GRIK1: variants seen among roughly 807,000 people sequenced by gnomAD.
GRIK1 encodes the protein glutamate ionotropic receptor kainate type subunit 1.
GRIK1 carries 69 observed loss-of-function variants against 105.7 expected under a neutral mutation model. That is an observed-to-expected ratio of 0.65 (90% confidence interval 0.54 to 0.80). The LOEUF (loss-of-function observed/expected upper bound fraction) is 0.80, where lower values mean the gene tolerates loss of function less well. Ranked by LOEUF, GRIK1 falls within the 30% of genes least tolerant of loss-of-function variation. The pLI, the probability that GRIK1 is intolerant of heterozygous loss-of-function variation, is 0.00. For missense variants in GRIK1, 1,109 were observed against 1,167.3 expected (o/e 0.95, Z 0.73); for synonymous variants, 438 against 431.3 (o/e 1.02, Z -0.19).
chr21:29,829,403 C>T (rs2067564658), intron 1 of GRIK1, among the ~76,000 whole-genome samples: 1 of 152,146 alleles, frequency 6.6e-6, no homozygotes, highest in African/African-American at 2.4e-5. Flanking sequence ...TTTTATGTAT[C>T]TATAGTAATG....
chr21:29,818,133 A>G (rs1368782813), intron 1 of GRIK1, among the ~76,000 whole-genome samples: 1 of 152,130 alleles, frequency 6.6e-6, no homozygotes, highest in Non-Finnish European at 1.5e-5. Context: ...CCCTATGTTG[A>G]CTTTAAAGTG....
At chr21:29,807,720 C>G (rs2066903744) in intron 1 of GRIK1, among the ~76,000 whole-genome samples, 2 of 152,066 alleles carry the variant, frequency 1.3e-5, no homozygotes, top group Admixed American at 1.3e-4. Flanking sequence ...TTGTTTATTA[C>G]CTCAGCTCTT....
At chr21:29,718,416 C>T (rs535567902) in intron 1 of GRIK1, among the ~76,000 whole-genome samples, 17 of 152,238 alleles carry the variant, frequency 1.1e-4, no homozygotes, top group Admixed American at 8.5e-4. Context: ...CACTCATATG[C>T]GTCTAAAACA....
intron 12 of GRIK1, among the ~76,000 whole-genome samples, chr21:29,586,880 T>C (rs772127807): frequency 2.6e-5 from 4 of 152,360 alleles, no homozygotes; most frequent in Non-Finnish European, 5.9e-5. Flanking sequence ...AAAATAAATT[T>C]AATAGAACTT....
chr21:29,688,637 T>C (rs2063529283), intron 3 of GRIK1, among the ~76,000 whole-genome samples: 1 of 152,148 alleles, frequency 6.6e-6, no homozygotes, highest in African/African-American at 2.4e-5. Flanking sequence ...AAGATAAAAT[T>C]AGGATGCTTA....
At chr21:29,826,160 A>C (rs917520196) in intron 1 of GRIK1, among the ~76,000 whole-genome samples, 1 of 152,084 alleles carries the variant, frequency 6.6e-6, no homozygotes, top group Admixed American at 6.6e-5. Flanking sequence ...GGTCATTACT[A>C]TGGGGAAGGT....
At chr21:29,725,766 A>G (rs1569019265) in intron 1 of GRIK1, among the ~76,000 whole-genome samples, 1 of 152,186 alleles carries the variant, frequency 6.6e-6, no homozygotes, top group East Asian at 1.9e-4. Context: ...AAAACCATAA[A>G]CCAGGAGAAC....
intron 1 of GRIK1, among the ~76,000 whole-genome samples, chr21:29,852,633 C>T (rs2068343275): frequency 6.6e-6 from 1 of 152,164 alleles, no homozygotes; most frequent in Admixed American, 6.6e-5. Context: ...GGAACAGCCA[C>T]ATAAATATGC....
Position 29,689,919 on chromosome 21 carries a change from G to A in GRIK1, c.353C>T (p.Ala118Val), listed in dbSNP as rs1189653659. ...GAGAGCATTGCAAATAGACTGCACA[G>A]CACTGACGGAGGAGCTATGGGAAGG... ...FGPSHSSSVSAVQSICNALEV... is the reference protein window; with the variant it reads ...FGPSHSSSVSVVQSICNALEV... Residue 118 changes from alanine (A) to valine (V), a missense_variant, in exon 3 of 18, where the codon GCT (alanine) becomes GTT (valine). Around this residue, in one of 5 missense-constraint regions of GRIK1, gnomAD observed 612 missense variants for 586.0 expected, o/e 1.04. Transcript: ENST00000327783. The A allele has an allele frequency of 1.9e-6, 3 of 1,613,248 alleles. No homozygotes were observed. Among genetic ancestry groups the A allele is most frequent in the Non-Finnish European group, 2.5e-6 (3 of 1,179,414 alleles).
chr21:29,573,843 A>G (rs2090817168), intron 14 of GRIK1, among the ~76,000 whole-genome samples: 1 of 145,406 alleles, frequency 6.9e-6, no homozygotes, highest in Admixed American at 7.0e-5. Context: ...ACAGAGCAAG[A>G]CTCCGTCTGG....
chr21:29,541,047 A>G (rs1197768811), intron 16 of GRIK1, among the ~76,000 whole-genome samples: 2 of 150,194 alleles, frequency 1.3e-5, no homozygotes, highest in Non-Finnish European at 2.9e-5. Flanking sequence ...GGCTCACTGC[A>G]ACTTCTGTCT....
At chr21:29,638,919 C>T (rs1399706766) in intron 7 of GRIK1, among the ~76,000 whole-genome samples, 1 of 152,070 alleles carries the variant, frequency 6.6e-6, no homozygotes, top group Non-Finnish European at 1.5e-5. Context: ...CATTTTATTA[C>T]CCATGTTATA....
chr21:29,561,557 C>T (rs2090479537), intron 15 of GRIK1, 67 bp downstream of exon 15: 1 of 1,009,566 alleles, frequency 9.9e-7, no homozygotes, highest in Non-Finnish European at 1.6e-6. Context: ...AACTCTGAGC[C>T]CATTGCCTTC....
At chr21:29,790,662 A>C (rs1390328235) in intron 1 of GRIK1, among the ~76,000 whole-genome samples, 1 of 151,896 alleles carries the variant, frequency 6.6e-6, no homozygotes, top group Non-Finnish European at 1.5e-5. Flanking sequence ...TATGTCAGTC[A>C]GGCTTGTCCT....
intron 14 of GRIK1, among the ~76,000 whole-genome samples, chr21:29,564,440 C>T (rs1457908858): frequency 6.6e-6 from 1 of 152,224 alleles, no homozygotes; most frequent in Admixed American, 6.5e-5. Context: ...AGCCACCGCG[C>T]CCGGCCGCAC....
intron 1 of GRIK1, among the ~76,000 whole-genome samples, chr21:29,834,465 G>A (rs1484212115): frequency 6.6e-6 from 1 of 151,082 alleles, no homozygotes; most frequent in East Asian, 1.9e-4. Flanking sequence ...GAAACTGATG[G>A]ATCTGCTTCC....
chr21:29,603,317 A>T (rs2061553071), intron 7 of GRIK1, among the ~76,000 whole-genome samples: 1 of 151,848 alleles, frequency 6.6e-6, no homozygotes, highest in Non-Finnish European at 1.5e-5. Context: ...GGCAAACTAG[A>T]TGTTGCCCAA....
intron 1 of GRIK1, among the ~76,000 whole-genome samples, chr21:29,790,306 C>T (rs1361525716): frequency 6.6e-6 from 1 of 152,114 alleles, no homozygotes; most frequent in Non-Finnish European, 1.5e-5. Flanking sequence ...CTCGGCCTCC[C>T]AAAGTGCTGG....
chr21:29,778,217 T>C (rs2065999509), intron 1 of GRIK1, among the ~76,000 whole-genome samples: 3 of 152,194 alleles, frequency 2.0e-5, no homozygotes, highest in African/African-American at 7.2e-5. Context: ...TTGTGTTATG[T>C]ATTTTGTGTT....
Sources: gnomAD v4.1 joint callset for allele counts (sites outside exome capture counted in the v4.1 genomes callset) on GRCh38, gnomAD v4.1.1 for gene constraint, gnomAD v4.1.1 regional missense constraint, MANE v1.5 for transcripts, NCBI Gene and HGNC (gene_info 2026-07-23, HGNC 2026-07-21) for gene names.